The following OSBPL1A variants were observed in gnomAD, a reference collection of about 807,000 sequenced individuals.
OSBPL1A encodes oxysterol binding protein like 1A, also known as oxysterol-binding protein-related protein 1.
In OSBPL1A, 80 loss-of-function variants were observed where a neutral mutation model predicts 137.1. The observed-to-expected ratio is 0.58, with a 90% confidence interval of 0.49 to 0.70. OSBPL1A has a LOEUF of 0.70. OSBPL1A is among the 30% of genes least tolerant of loss of function. The pLI, the probability that OSBPL1A is intolerant of heterozygous loss-of-function variation, is 0.00. For missense variants in OSBPL1A, 970 were observed against 1,129.4 expected, an observed-to-expected ratio of 0.86 and a Z score of 2.02; for synonymous variants, 365 against 389.7, an observed-to-expected ratio of 0.94 and a Z score of 0.75.
At chr18:24,212,503 C>T (rs2087574926) in intron 17 of OSBPL1A, among the ~76,000 whole-genome samples, 1 of 152,112 alleles carries the variant, frequency 6.6e-6, no homozygotes, top group African/African-American at 2.4e-5. Flanking sequence ...TAGTAGTTCA[C>T]CTGACTGCCT....
At chr18:24,323,412 G>GCATGCCTGTAGTCCCAGCT (rs1568027529) in intron 7 of OSBPL1A, among the ~76,000 whole-genome samples, 4 of 87,866 alleles carry the variant, frequency 4.6e-5, no homozygotes, top group African/African-American at 2.4e-4. Context: ...AATTAGCAGA[G>GCATGCCTGTAGTCCCAGCT]ACGGGGTTTC....
intron 1 of OSBPL1A, among the ~76,000 whole-genome samples, chr18:24,378,895 A>G (rs1212732603): frequency 1.3e-5 from 2 of 152,228 alleles, no homozygotes; most frequent in Non-Finnish European, 2.9e-5. Flanking sequence ...TTAGCAGTCA[A>G]CAGGGCCCAC....
chr18:24,377,862 A>C (rs1364816498), intron 1 of OSBPL1A, among the ~76,000 whole-genome samples: 1 of 152,242 alleles, frequency 6.6e-6, no homozygotes, highest in Non-Finnish European at 1.5e-5. Context: ...ACATAGTATT[A>C]TGCAAATAGT....
chr18:24,162,998 T>G lies in OSBPL1A; in HGVS notation c.*181A>C, dbSNP rs2086055320. ...TTATAGCAAAATTATGCATTTTTCC[T>G]AAGACTTTCATCACCAATATCGCCT... is the stretch of plus-strand genomic sequence containing the variant. On this transcript the variant is annotated 3_prime_UTR_variant, in exon 28 of 28. Transcript: ENST00000319481. 8.5e-6 allele frequency: 4 copies of G among 470,062 alleles called. No homozygotes were observed. The highest frequency in any genetic ancestry group is 1.5e-5 in the Non-Finnish European group (4 of 265,436). 29.1% of individuals were successfully genotyped at this position (470,062 alleles called of 1,614,324 possible).
chr18:24,205,882 G>T (rs1312554471), intron 17 of OSBPL1A, among the ~76,000 whole-genome samples: 1 of 152,100 alleles, frequency 6.6e-6, no homozygotes, highest in African/African-American at 2.4e-5. Flanking sequence ...TTTTCCCCTA[G>T]GAAGCCTTTT....
chr18:24,242,225 T>C (rs2088720618), intron 15 of OSBPL1A, among the ~76,000 whole-genome samples: 1 of 150,838 alleles, frequency 6.6e-6, no homozygotes, highest in East Asian at 2.0e-4. Context: ...ATGTATACCA[T>C]GGCACATATA....
intron 7 of OSBPL1A, among the ~76,000 whole-genome samples, chr18:24,325,761 G>A (rs117028332): frequency 0.018 from 2,728 of 152,304 alleles, 31 homozygotes; most frequent in South Asian, 0.031. Context: ...CAGTGGAGGC[G>A]CAGCATTGCT....
intron 17 of OSBPL1A, among the ~76,000 whole-genome samples, chr18:24,203,793 G>A (rs540402685): frequency 1.3e-5 from 2 of 152,158 alleles, no homozygotes; most frequent in East Asian, 1.9e-4. Flanking sequence ...TCCAAATTAG[G>A]GTACTAATTA....
intron 1 of OSBPL1A, among the ~76,000 whole-genome samples, chr18:24,386,718 G>T (rs905674301): frequency 1.4e-4 from 21 of 152,272 alleles, no homozygotes; most frequent in Admixed American, 7.8e-4. Flanking sequence ...CCAGCACTTT[G>T]GGAGGCCAAG....
chr18:24,164,529 C>A (rs553601454), intron 27 of OSBPL1A, among the ~76,000 whole-genome samples: 1 of 148,432 alleles, frequency 6.7e-6, no homozygotes, highest in African/African-American at 2.5e-5. Flanking sequence ...CCCGGGTTCA[C>A]GCCATTCTCC....
At chr18:24,381,896 G>T (rs545906431) in intron 1 of OSBPL1A, among the ~76,000 whole-genome samples, 4 of 151,804 alleles carry the variant, frequency 2.6e-5, no homozygotes, top group Non-Finnish European at 4.4e-5. Flanking sequence ...GGGAGGCAGA[G>T]GTTGCAGTGA....
chr18:24,246,517 G>A (rs2088891769), intron 15 of OSBPL1A, among the ~76,000 whole-genome samples: 1 of 151,834 alleles, frequency 6.6e-6, no homozygotes, highest in African/African-American at 2.4e-5. Context: ...CCAGGTGGGT[G>A]CAGTGGCTCA....
chr18:24,370,041 G>A (rs1390821274), intron 2 of OSBPL1A, among the ~76,000 whole-genome samples: 1 of 152,168 alleles, frequency 6.6e-6, no homozygotes, highest in African/African-American at 2.4e-5. Flanking sequence ...GGGCAACATA[G>A]AGAAACCCCA....
chr18:24,366,890 AC>A lies in OSBPL1A; in HGVS notation c.282+1del. 6.2e-7 allele frequency: 1 copy of A among 1,609,298 alleles called. No individual in the cohort carries two copies. The highest frequency in any genetic ancestry group is 8.5e-7 in the Non-Finnish European group (1 of 1,177,842). ...AAACATTGAACATAGAATGATTTTCACCTTTCGTCCTGTAAAGGCAGCTCGA... is the reference window on the plus strand; with the variant it reads ...AAACATTGAACATAGAATGATTTTCACTTTCGTCCTGTAAAGGCAGCTCGA... On this transcript the variant is annotated splice_donor_variant, in intron 4 of 27. Transcript: ENST00000319481. LOFTEE classifies it high-confidence loss of function.
chr18:24,332,885 T>C lies in OSBPL1A; in HGVS notation c.625+57A>G, dbSNP rs908282132. 3 of 1,589,274 alleles carry C rather than the reference T, an allele frequency of 1.9e-6. No homozygotes were observed. The Admixed American group carries it at 5.1e-5, about 27-fold the overall frequency. On this transcript the variant is annotated intron_variant, in intron 7 of 27. Transcript: ENST00000319481. The stretch of plus-strand genomic sequence containing the variant: ...TGAAACAAAACAATTTTATATGGCA[T>C]TGACTTCATTTTATAATTTCAAAAT...
intron 15 of OSBPL1A, among the ~76,000 whole-genome samples, chr18:24,240,694 T>C (rs1299067124): frequency 2.0e-5 from 3 of 152,350 alleles, no homozygotes; most frequent in Middle Eastern, 3.4e-3. Context: ...TTCAACATAG[T>C]GGTCTTCAAA....
At chr18:24,375,802 G>A (rs1305644306) in intron 2 of OSBPL1A, among the ~76,000 whole-genome samples, 9 of 152,146 alleles carry the variant, frequency 5.9e-5, no homozygotes, top group Admixed American at 5.9e-4. Flanking sequence ...CAGACCTGCT[G>A]GGTCAACTGC....
rs749902953 is a variant in OSBPL1A, at chr18:24,178,221, G to GA, written c.1911-27dup. The GA allele has an allele frequency of 3.4e-3, 2,992 of 891,682 alleles. 1 individual carries two copies. Among genetic ancestry groups the GA allele is most frequent in the South Asian group, 5.9e-3 (259 of 44,236 alleles). The allele number at this position is 891,682 out of a possible 1,614,324, so 55.2% of individuals were successfully genotyped here. ...CTTAAGATTTAAAAAAAAAAAAAAAGAAAAAAAAAAGCAACATTATAATTA... is the reference window on the plus strand; with the variant it reads ...CTTAAGATTTAAAAAAAAAAAAAAAGAAAAAAAAAAAGCAACATTATAATTA... On this transcript the variant is annotated intron_variant, in intron 20 of 27. Coordinates refer to ENST00000319481, the MANE Select transcript of OSBPL1A (RefSeq NM_080597.4).
At chr18:24,210,588 C>T (rs751960155) in intron 17 of OSBPL1A, among the ~76,000 whole-genome samples, 2 of 149,782 alleles carry the variant, frequency 1.3e-5, no homozygotes, top group Non-Finnish European at 3.0e-5. Context: ...GGCTGGAATA[C>T]GGTGGCACGA....
Sources: allele counts gnomAD v4.1 joint callset (sites outside exome capture counted in the v4.1 genomes callset), GRCh38; gene constraint gnomAD v4.1.1; transcripts MANE v1.5; gene names NCBI Gene and HGNC (gene_info 2026-07-23, HGNC 2026-07-21).